Variants in KCNJ3 observed in about 807,000 individuals in gnomAD.
The protein encoded by KCNJ3 is potassium inwardly rectifying channel subfamily J member 3, also known as G protein-activated inward rectifier potassium channel 1.
In KCNJ3, 4 loss-of-function variants were observed where a neutral mutation model predicts 39.2. That is an observed-to-expected ratio of 0.10 (90% confidence interval 0.05 to 0.23). The LOEUF is 0.23. KCNJ3 is among the 10% of genes least tolerant of loss of function. The pLI, the probability that KCNJ3 is intolerant of heterozygous loss-of-function variation, is 1.00. For synonymous variants in KCNJ3, 230 were observed against 237.4 expected (o/e 0.97, Z 0.29); for missense variants, 276 against 634.9 (o/e 0.43, Z 6.08).
chr2:154,842,305 C>G (rs895308326), intron 2 of KCNJ3, among the ~76,000 whole-genome samples: 4 of 152,134 alleles, frequency 2.6e-5, no homozygotes, highest in Non-Finnish European at 4.4e-5. Context: ...GTCTGAGAGA[C>G]AGTTTGTTGT....
chr2:154,809,221 A>T (rs1179423000), intron 2 of KCNJ3, among the ~76,000 whole-genome samples: 2 of 152,202 alleles, frequency 1.3e-5, no homozygotes, highest in East Asian at 3.9e-4. Context: ...AGGCAAGAGA[A>T]GAAACCTGCA....
intron 2 of KCNJ3, among the ~76,000 whole-genome samples, chr2:154,786,952 T>C (rs975051609): frequency 6.6e-6 from 1 of 152,222 alleles, no homozygotes; most frequent in African/African-American, 2.4e-5. Flanking sequence ...GAATATTAAT[T>C]TGTTATTCTA....
chr2:154,796,801 G>A (rs1020486061), intron 2 of KCNJ3, among the ~76,000 whole-genome samples: 15 of 151,998 alleles, frequency 9.9e-5, no homozygotes, highest in African/African-American at 2.7e-4. Context: ...TAAGAGTCAC[G>A]GAATATGCTT....
chr2:154,699,157 T>C lies in KCNJ3; in HGVS notation c.382T>C (p.Tyr128His). The change falls in exon 1 of 3, where the codon TAT becomes CAT. Residue 128 changes from tyrosine to histidine, a missense_variant. By Grantham distance (83) the Tyr-to-His change is moderately conservative (BLOSUM62 2). Coordinates refer to ENST00000295101, the MANE Select transcript of KCNJ3 (RefSeq NM_002239.4). The surrounding 1 kb of genome is among the most constrained non-coding windows in gnomAD (Gnocchi z 6.4). ...CTACACGCCTTGCGTGGCCAATGTC[T>C]ATAACTTCCCTTCTGCCTTCCTCTT... ...GNYTPCVANV[Y>H]NFPSAFLFFI... 1 of 1,614,192 alleles carries C rather than the reference T, an allele frequency of 6.2e-7. No individual in the cohort carries two copies. The highest frequency in any genetic ancestry group is 2.2e-5 in the East Asian group (1 of 44,858).
At chr2:154,813,035 C>T (rs1416144985) in intron 2 of KCNJ3, among the ~76,000 whole-genome samples, 1 of 152,134 alleles carries the variant, frequency 6.6e-6, no homozygotes, top group African/African-American at 2.4e-5. Flanking sequence ...TTTTCAAATG[C>T]AGAAACTGAT....
chr2:154,855,828 TG>T lies in KCNJ3; in HGVS notation c.*516del. ...ACATATATATCTGATAAAATTGTGA[TG>T]TTTTGTTCAAAGTTGTAGTTCTTGT... On this transcript the variant is annotated 3_prime_UTR_variant, in exon 3 of 3. Transcript: ENST00000295101. 6.6e-6 allele frequency: 1 copy of T among 152,598 alleles called. No individual in the cohort carries two copies. Among genetic ancestry groups the T allele is most frequent in the Non-Finnish European group, 1.5e-5 (1 of 67,958 alleles). 9.5% of individuals were successfully genotyped at this position (152,598 alleles called of 1,614,324 possible).
intron 2 of KCNJ3, among the ~76,000 whole-genome samples, chr2:154,797,359 A>C (rs1421208139): frequency 6.6e-6 from 1 of 152,190 alleles, no homozygotes; most frequent in Non-Finnish European, 1.5e-5. Context: ...ACATGCACAA[A>C]TATACATTTA....
chr2:154,852,974 TA>T (rs928412124), intron 2 of KCNJ3, among the ~76,000 whole-genome samples: 10 of 151,190 alleles, frequency 6.6e-5, no homozygotes, highest in Admixed American at 2.0e-4. Flanking sequence ...AACAACAATT[TA>T]AAAAAAAACC....
chr2:154,712,586 T>C (rs1241203740), intron 2 of KCNJ3, among the ~76,000 whole-genome samples: 3 of 152,132 alleles, frequency 2.0e-5, no homozygotes, highest in African/African-American at 7.2e-5. Context: ...AGAGATATAG[T>C]GGTGACCCGG....
chr2:154,728,165 A>G (rs1685391369), intron 2 of KCNJ3, among the ~76,000 whole-genome samples: 1 of 152,014 alleles, frequency 6.6e-6, no homozygotes, highest in South Asian at 2.1e-4. Context: ...ATCATATTGC[A>G]TATGTATTAG....
At chr2:154,826,938 G>A (rs180679926) in intron 2 of KCNJ3, among the ~76,000 whole-genome samples, 17 of 152,160 alleles carry the variant, frequency 1.1e-4, no homozygotes, top group Middle Eastern at 3.4e-3. Context: ...TTTGTATTTC[G>A]TGTTCAAAAC....
At chr2:154,758,733 C>T (rs757977955) in intron 2 of KCNJ3, among the ~76,000 whole-genome samples, 43 of 152,164 alleles carry the variant, frequency 2.8e-4, no homozygotes, top group Admixed American at 8.5e-4. Flanking sequence ...AATCAGGTGA[C>T]GTGTGTTAAG....
chr2:154,812,059 A>C (rs1687016172), intron 2 of KCNJ3, among the ~76,000 whole-genome samples: 1 of 152,220 alleles, frequency 6.6e-6, no homozygotes, highest in African/African-American at 2.4e-5. Flanking sequence ...ATTTACCAGA[A>C]GTACAAAATA....
chr2:154,838,310 A>C (rs368183058), intron 2 of KCNJ3, among the ~76,000 whole-genome samples: 1 of 152,292 alleles, frequency 6.6e-6, no homozygotes, highest in East Asian at 1.9e-4. Flanking sequence ...AATTTATGAA[A>C]ACAAAATAGC....
intron 2 of KCNJ3, among the ~76,000 whole-genome samples, chr2:154,850,131 G>A (rs1031678191): frequency 7.0e-6 from 1 of 143,342 alleles, no homozygotes; most frequent in African/African-American, 2.6e-5. Context: ...ACAGAGATGA[G>A]CTCGTGTTGA....
chr2:154,756,535 G>A (rs1432080400), intron 2 of KCNJ3, among the ~76,000 whole-genome samples: 3 of 131,596 alleles, frequency 2.3e-5, no homozygotes, highest in African/African-American at 8.7e-5. Flanking sequence ...CCCACCCCCT[G>A]ACAGGCCCTG....
chr2:154,709,250 G>T, intron 1 of KCNJ3: 1 of 233,590 alleles, frequency 4.3e-6, no homozygotes, highest in Non-Finnish European at 8.4e-6. Flanking sequence ...AAAAATATCT[G>T]GCATGCAATG....
At chr2:154,794,353 A>G (rs1686685140) in intron 2 of KCNJ3, among the ~76,000 whole-genome samples, 1 of 152,000 alleles carries the variant, frequency 6.6e-6, no homozygotes, top group South Asian at 2.1e-4. Flanking sequence ...AAACTAATTC[A>G]CCTTCTTGCA....
intron 2 of KCNJ3, among the ~76,000 whole-genome samples, chr2:154,823,519 G>A (rs867981127): frequency 6.6e-6 from 1 of 151,664 alleles, no homozygotes; most frequent in African/African-American, 2.4e-5. Context: ...TCTACCATGT[G>A]GTAAGCACAT....
Sources: allele counts gnomAD v4.1 joint callset (sites outside exome capture counted in the v4.1 genomes callset), GRCh38; gene constraint gnomAD v4.1.1; non-coding constraint Gnocchi (gnomAD v3.1); transcripts MANE v1.5; gene names NCBI Gene and HGNC (gene_info 2026-07-23, HGNC 2026-07-21).